Variants in MYT1 observed in about 807,000 individuals in gnomAD.
The protein encoded by MYT1 is myelin transcription factor 1.
Under a neutral mutation model 123.0 loss-of-function variants are expected in MYT1, and 23 were observed. The observed-to-expected ratio is 0.19, with a 90% CI of 0.13 to 0.26. The LOEUF (loss-of-function observed/expected upper bound fraction) is 0.26. MYT1 is among the 10% of genes least tolerant of loss of function. MYT1 has a pLI of 1.00. For missense variants in MYT1, 1,125 were observed against 1,472.5 expected (o/e 0.76, Z 3.86); for synonymous variants, 518 against 575.3 (o/e 0.90, Z 1.43).
intron 10 of MYT1, among the ~76,000 whole-genome samples, chr20:64,216,615 C>G (rs1385765599): frequency 6.6e-6 from 1 of 152,238 alleles, no homozygotes; most frequent in Non-Finnish European, 1.5e-5. Flanking sequence ...CCTGTAGATT[C>G]CTCAGCTTCC....
rs1983031532 is a variant in MYT1 at position 64,193,825 on chromosome 20, T to C, written c.-1+3665T>C. 6.6e-6 allele frequency among the ~76,000 whole-genome samples: 1 copy of C among 152,180 alleles called. No individual in the cohort carries two copies. Among genetic ancestry groups the C allele is most frequent in the African/African-American group, 2.4e-5 (1 of 41,444 alleles). ...AGACACTATAACCTATGTAATTTTA[T>C]GGATTTTTAAAGAATAGTTGTAAGT... On this transcript the variant is annotated intron_variant, in intron 2 of 22. Transcript: ENST00000328439. The surrounding 1 kb of genome is among the most constrained non-coding windows in gnomAD (Gnocchi z 4.0).
At chr20:64,187,135 G>T (rs564053777) in intron 1 of MYT1, among the ~76,000 whole-genome samples, 25 of 148,812 alleles carry the variant, frequency 1.7e-4, no homozygotes, top group African/African-American at 5.2e-4. Flanking sequence ...CGTGGCCCCG[G>T]CATCCACGTT....
intron 13 of MYT1, 37 bp downstream of exon 13, chr20:64,220,019 G>A: frequency 6.9e-7 from 1 of 1,439,086 alleles, no homozygotes; most frequent in Non-Finnish European, 9.1e-7. Context: ...TCAGGCGGCT[G>A]CAGCCAGCTT....
chr20:64,201,834 G>A lies in MYT1; in HGVS notation c.86+1912G>A, dbSNP rs186685776. 2.4e-3 allele frequency among the ~76,000 whole-genome samples: 370 copies of A among 152,310 alleles called. 2 individuals are homozygous for A. Among genetic ancestry groups the A allele is most frequent in the African/African-American group, 8.4e-3 (347 of 41,524 alleles). On this transcript the variant is annotated intron_variant, in intron 4 of 22. Coordinates refer to ENST00000328439, the MANE Select transcript of MYT1 (RefSeq NM_004535.3). ...TTGTGGTCTGTGAGAGGAGCATCGCGTCCTGTGTGCAGACCATGGCACTGG... is the reference window on the plus strand; with the variant it reads ...TTGTGGTCTGTGAGAGGAGCATCGCATCCTGTGTGCAGACCATGGCACTGG...
Position 64,196,680 on chromosome 20 carries a change from T to C in MYT1, c.1-2182T>C, listed in dbSNP as rs1268441933. 2.6e-5 allele frequency among the ~76,000 whole-genome samples: 4 copies of C among 152,160 alleles called. No individual in the cohort carries two copies. The East Asian group carries it at 7.7e-4, about 29-fold the overall frequency. The stretch of plus-strand genomic sequence containing the variant: ...CCAGTCAATGCAGATAAATTGCAAA[T>C]GGTAAAAAGGTGCTCAGCAGAAGGA... On this transcript the variant is annotated intron_variant, in intron 2 of 22. Transcript: ENST00000328439. This position sits in a 1 kb window ranked among gnomAD's most constrained non-coding sequence, Gnocchi z 4.3.
At position 64,221,423 on chromosome 20, in the gene MYT1, G is replaced by A. The variant is rs367787662; in HGVS notation, c.2242-470G>A. On this transcript the variant is annotated intron_variant, in intron 13 of 22. Coordinates refer to ENST00000328439, the MANE Select transcript of MYT1 (RefSeq NM_004535.3). ...TCGCACTGGTGGGCGTGTCGGGCCAGGTGGTTTCGAGGTTACTGCGATTGT... is the reference window on the plus strand; with the variant it reads ...TCGCACTGGTGGGCGTGTCGGGCCAAGTGGTTTCGAGGTTACTGCGATTGT... Among the ~76,000 whole-genome samples the A allele has an allele frequency of 5.9e-5, 9 of 152,350 alleles. No homozygotes were observed. In the East Asian group the frequency reaches 1.7e-3, roughly 29 times the overall value.
intron 1 of MYT1, among the ~76,000 whole-genome samples, chr20:64,170,655 A>AT (rs545434061): frequency 4.5e-4 from 67 of 149,202 alleles, no homozygotes; most frequent in Middle Eastern, 3.5e-3. Context: ...TCTTACAGTC[A>AT]TTTTTTTTTA....
At chr20:64,188,359 T>G (rs771444847) in intron 1 of MYT1, among the ~76,000 whole-genome samples, 11 of 152,136 alleles carry the variant, frequency 7.2e-5, no homozygotes, top group Admixed American at 1.3e-4. Context: ...CCAGTTGTCT[T>G]GCATATATAC....
At chr20:64,220,015 G>A (rs747064596) in intron 13 of MYT1, 33 bp downstream of exon 13, 58 of 1,440,490 alleles carry the variant, frequency 4.0e-5, no homozygotes, top group Admixed American at 2.3e-4. Flanking sequence ...GCAGTCAGGC[G>A]GCTGCAGCCA....
chr20:64,208,525 C>T lies in MYT1; in HGVS notation c.1291+38C>T. ...GGTGGCCTGGCCCTGCAGACTCATC[C>T]TTTCACCCCTGCCCCAGGTGTGCAG... On this transcript the variant is annotated intron_variant, in intron 7 of 22. Transcript: ENST00000328439. This position sits in a 1 kb window ranked among gnomAD's most constrained non-coding sequence, Gnocchi z 5.4. The T allele has an allele frequency of 6.5e-7, 1 of 1,546,462 alleles. No homozygotes were observed. The highest frequency in any genetic ancestry group is 8.7e-7 in the Non-Finnish European group (1 of 1,144,360).
Position 64,205,677 on chromosome 20 carries a change from G to A in MYT1, c.274G>A (p.Asp92Asn). ...GGACGAGGGCTATGGTGTGGACAGC[G>A]ACGGCAGTGAGGACACTGAGGTGAA... ...ALDEGYGVDS[D>N]GSEDTEVKDA... The change falls in exon 6 of 23, where the codon GAC becomes AAC. Residue 92 changes from aspartate (D) to asparagine (N), a missense_variant. Transcript: ENST00000328439. 5.6e-6 allele frequency: 9 copies of A among 1,614,246 alleles called. No individual in the cohort carries two copies. The highest frequency in any genetic ancestry group is 7.6e-6 in the Non-Finnish European group (9 of 1,180,034).
At chr20:64,230,673 G>A (rs1312508137) in intron 18 of MYT1, among the ~76,000 whole-genome samples, 1 of 152,226 alleles carries the variant, frequency 6.6e-6, no homozygotes, top group Non-Finnish European at 1.5e-5. Context: ...CCCCATCAGA[G>A]GGGGGCTGGA....
In MYT1 at chr20:64,227,409, C is replaced by G. The variant is rs1224332845; in HGVS notation, c.2529-6C>G. ...GCTCCCGTTCCAGTTCTGCTTCCCTCTGCAGGTGCCCCACGCCCGGCTGTG... is the reference window on the plus strand; with the variant it reads ...GCTCCCGTTCCAGTTCTGCTTCCCTGTGCAGGTGCCCCACGCCCGGCTGTG... On this transcript the variant is annotated splice_polypyrimidine_tract_variant and splice_region_variant and intron_variant, in intron 16 of 22. Transcript: ENST00000328439. The G allele has an allele frequency of 6.2e-7, 1 of 1,612,490 alleles. No individual in the cohort carries two copies. Among genetic ancestry groups the G allele is most frequent in the African/African-American group, 1.3e-5 (1 of 74,946 alleles).
chr20:64,177,823 G>A (rs531639516), intron 1 of MYT1, among the ~76,000 whole-genome samples: 14 of 152,320 alleles, frequency 9.2e-5, no homozygotes, highest in Non-Finnish European at 1.8e-4. Flanking sequence ...TAGGGCATGG[G>A]TTCCACCTTC....
rs775465422 is a variant in MYT1 at position 64,232,268 on chromosome 20, G to T, written c.2780G>T (p.Gly927Val). ...CTGGCCGCCCGCAGGCAGAAGGAAGGGTCCCTCAATGGCTCGTCATTCTCC... is the reference window on the plus strand; with the variant it reads ...CTGGCCGCCCGCAGGCAGAAGGAAGTGTCCCTCAATGGCTCGTCATTCTCC... ...CPLAARRQKE[G>V]SLNGSSFSWK... is the part of the protein sequence containing the mutation. The change falls in exon 19 of 23, where the codon GGG becomes GTG. Residue 927 changes from glycine (G) to valine (V), a missense_variant. This residue lies in a region of MYT1 where 243 missense variants were observed against 323.1 expected (regional missense o/e 0.75). Coordinates refer to ENST00000328439, the MANE Select transcript of MYT1 (RefSeq NM_004535.3). This position sits in a 1 kb window ranked among gnomAD's most constrained non-coding sequence, Gnocchi z 6.9. 1.2e-6 allele frequency: 2 copies of T among 1,613,182 alleles called. No individual in the cohort carries two copies. Among genetic ancestry groups the T allele is most frequent in the South Asian group, 2.2e-5 (2 of 91,078 alleles).
intron 20 of MYT1, 61 bp downstream of exon 20, chr20:64,236,707 T>C: frequency 7.0e-7 from 1 of 1,430,158 alleles, no homozygotes; most frequent in Admixed American, 1.7e-5. Context: ...GTGAGAGCTG[T>C]GCACCTTTTG....
rs534196947 is a variant in MYT1 at position 64,238,544 on chromosome 20, A to G, written c.3093+1154A>G. ...CATCACCCCACAGGGATCAGGAAGGATTTTCGCTGTCATGCACATGTCGAT... is the reference window on the plus strand; with the variant it reads ...CATCACCCCACAGGGATCAGGAAGGGTTTTCGCTGTCATGCACATGTCGAT... On this transcript the variant is annotated intron_variant, in intron 21 of 22. Transcript: ENST00000328439. Among the ~76,000 whole-genome samples the G allele has an allele frequency of 6.8e-4, 103 of 151,452 alleles. 1 individual carries two copies. The highest frequency in any genetic ancestry group is 1.1e-3 in the Admixed American group (17 of 15,236).
In MYT1 at chr20:64,207,658, G is replaced by GCTACCT; in HGVS notation, c.462_463insCTACCT (p.Lys154_Gly155insLeuPro). The GCTACCT allele has an allele frequency of 1.9e-6, 3 of 1,614,040 alleles. No individual in the cohort carries two copies. Among genetic ancestry groups the GCTACCT allele is most frequent in the Non-Finnish European group, 2.5e-6 (3 of 1,180,020 alleles). ...TCGGCAGCGCCACTGCCTCCTCCAAGGGCAGCTACAGCAGCTACCAGGGAA... is the reference window on the plus strand; with the variant it reads ...TCGGCAGCGCCACTGCCTCCTCCAAGCTACCTGGCAGCTACAGCAGCTACCAGGGAA... On this transcript the variant is annotated inframe_insertion, in exon 7 of 23. Transcript: ENST00000328439.
chr20:64,173,694 T>G (rs28575034), intron 1 of MYT1, among the ~76,000 whole-genome samples: 1 of 87,716 alleles, frequency 1.1e-5, no homozygotes, highest in Non-Finnish European at 2.5e-5. Context: ...CTGCAGCATC[T>G]TTCCTTGTAG....
Sources: allele counts gnomAD v4.1 joint callset (sites outside exome capture counted in the v4.1 genomes callset), GRCh38; gene constraint gnomAD v4.1.1; regional missense constraint gnomAD v4.1.1; non-coding constraint Gnocchi (gnomAD v3.1); transcripts MANE v1.5; gene names NCBI Gene and HGNC (gene_info 2026-07-23, HGNC 2026-07-21).